Variants in ZNF675 observed in about 807,000 individuals in gnomAD.
The protein encoded by ZNF675 is TRAF6 inhibitory zinc finger.
ZNF675 carries 36 observed loss-of-function variants against 56.1 expected under a neutral mutation model. The observed-to-expected ratio is 0.64, with a 90% CI of 0.49 to 0.85. ZNF675 has a LOEUF of 0.85. ZNF675 is among the 40% of genes least tolerant of loss of function. The pLI is 0.00. For synonymous variants in ZNF675, 200 were observed against 218.9 expected (o/e 0.91, Z 0.76); for missense variants, 663 against 654.2 (o/e 1.01, Z -0.15).
At chr19:23,678,406 C>T (rs1282020301) in intron 1 of ZNF675, among the ~76,000 whole-genome samples, 1 of 150,938 alleles carries the variant, frequency 6.6e-6, no homozygotes, top group Non-Finnish European at 1.5e-5. Context: ...TATGCCACCA[C>T]ACCAGGCTAA....
At chr19:23,679,094 G>A (rs1012705633) in intron 1 of ZNF675, among the ~76,000 whole-genome samples, 5 of 149,830 alleles carry the variant, frequency 3.3e-5, no homozygotes, top group Admixed American at 1.3e-4. Context: ...ATGAACTCGG[G>A]AGGCGGAGCT....
chr19:23,683,200 A>G (rs1174023647), intron 1 of ZNF675, among the ~76,000 whole-genome samples: 3 of 151,502 alleles, frequency 2.0e-5, no homozygotes, highest in African/African-American at 4.9e-5. Flanking sequence ...AAAAAAAAAA[A>G]GAAAGTTATC....
At position 23,654,066 on chromosome 19, in the gene ZNF675, A is replaced by G. The variant is rs1471136286; in HGVS notation, c.867T>C (p.Cys289=). The G allele has an allele frequency of 5.6e-6, 9 of 1,613,794 alleles. No homozygotes were observed. The highest frequency in any genetic ancestry group is 7.6e-6 in the Non-Finnish European group (9 of 1,180,020). ...TGEKPYKCEE[C]GKAFNQFSNL... is the part of the protein sequence containing the mutation. ...TTGAGAACTGGTTAAAGGCTTTGCCACATTCTTCACATTTGTAGGGTTTCT... is the reference window on the plus strand; with the variant it reads ...TTGAGAACTGGTTAAAGGCTTTGCCGCATTCTTCACATTTGTAGGGTTTCT... The change falls in exon 4 of 4, where the codon TGT becomes TGC. Residue 289 remains cysteine, a synonymous_variant. Transcript: ENST00000359788.
At chr19:23,660,932 C>CT (rs56888844) in intron 3 of ZNF675, among the ~76,000 whole-genome samples, 47 of 119,796 alleles carry the variant, frequency 3.9e-4, no homozygotes, top group African/African-American at 1.3e-3. Flanking sequence ...TTGTAATTTT[C>CT]TTTTTTTTTT....
rs1467752412 is a variant in ZNF675 at position 23,653,381 on chromosome 19, T to C, written c.1552A>G (p.Ser518Gly). The C allele has an allele frequency of 1.2e-6, 2 of 1,613,420 alleles. No homozygotes were observed. Among genetic ancestry groups the C allele is most frequent in the African/African-American group, 2.7e-5 (2 of 75,030 alleles). Residue 518 changes from serine (S) to glycine (G), a missense_variant, in exon 4 of 4, where the codon AGC becomes GGC. Ser to Gly is a moderately conservative substitution (Grantham distance 56). Transcript: ENST00000359788. ...YKCEECGKAF[S>G]RSSKLTEHKI... ...TGTTCAGTAAGTTTTGAGGATCGGCTAAAAGCTTTGCCACATTCTTCACAT... is the reference window on the plus strand; with the variant it reads ...TGTTCAGTAAGTTTTGAGGATCGGCCAAAAGCTTTGCCACATTCTTCACAT...
At chr19:23,682,001 T>C (rs1008582680) in intron 1 of ZNF675, among the ~76,000 whole-genome samples, 1 of 94,318 alleles carries the variant, frequency 1.1e-5, no homozygotes, top group African/African-American at 4.0e-5. Flanking sequence ...AATACCCTCT[T>C]ATTATGACTT....
intron 1 of ZNF675, among the ~76,000 whole-genome samples, chr19:23,684,902 T>G (rs1189968949): frequency 6.6e-6 from 1 of 152,204 alleles, no homozygotes; most frequent in East Asian, 1.9e-4. Context: ...AGAAATTATC[T>G]CTGTGTTTTT....
intron 1 of ZNF675, among the ~76,000 whole-genome samples, chr19:23,667,863 A>G (rs1274161607): frequency 6.8e-6 from 1 of 147,814 alleles, no homozygotes; most frequent in East Asian, 2.0e-4. Context: ...CCTGAGCTAG[A>G]CACAGGGTGC....
chr19:23,675,887 T>A (rs1368126750), intron 1 of ZNF675, among the ~76,000 whole-genome samples: 2 of 141,980 alleles, frequency 1.4e-5, no homozygotes, highest in Non-Finnish European at 3.1e-5. Flanking sequence ...TGTAAAAAAC[T>A]ACAAAAAAGA....
intron 3 of ZNF675, among the ~76,000 whole-genome samples, chr19:23,658,866 G>GATCTATAT (rs1968030619): frequency 1.9e-4 from 1 of 5,132 alleles, no homozygotes; most frequent in African/African-American, 5.3e-4. Flanking sequence ...TATAGAAATA[G>GATCTATAT]ATCTATAGAT....
chr19:23,672,426 C>A (rs1204223513), intron 1 of ZNF675, among the ~76,000 whole-genome samples: 3 of 152,170 alleles, frequency 2.0e-5, no homozygotes, highest in African/African-American at 7.2e-5. Context: ...TAGAAAGTCA[C>A]TGCACAAGAT....
intron 3 of ZNF675, 28 bp from the exon 4 acceptor site, chr19:23,654,734 T>A (rs1222720190): frequency 6.7e-7 from 1 of 1,481,950 alleles, no homozygotes; most frequent in Non-Finnish European, 9.0e-7. Flanking sequence ...AACACATTAC[T>A]TTACAGACTC....
intron 3 of ZNF675, chr19:23,655,004 A>G (rs6511465): frequency 0.98 from 205,875 of 210,620 alleles, 100,822 homozygotes; most frequent in East Asian, 1. Flanking sequence ...AGGAGGCTGA[A>G]GCGGGCGGAT....
chr19:23,664,243 A>G (rs938590696), intron 1 of ZNF675, among the ~76,000 whole-genome samples: 1 of 152,146 alleles, frequency 6.6e-6, no homozygotes, highest in African/African-American at 2.4e-5. Flanking sequence ...TTCTTTTCAC[A>G]TGCGATTCTC....
At chr19:23,674,530 C>T (rs771576202) in intron 1 of ZNF675, among the ~76,000 whole-genome samples, 19 of 150,474 alleles carry the variant, frequency 1.3e-4, no homozygotes, top group Admixed American at 3.3e-4. Flanking sequence ...GTAATCCCAG[C>T]TACTCGGGAG....
intron 1 of ZNF675, among the ~76,000 whole-genome samples, chr19:23,672,625 G>A (rs1005979113): frequency 6.6e-6 from 1 of 152,188 alleles, no homozygotes; most frequent in Non-Finnish European, 1.5e-5. Flanking sequence ...ACCTGGCTCT[G>A]CATTCCTGTG....
Position 23,654,649 on chromosome 19 carries a change from A to G in ZNF675, c.284T>C (p.Phe95Ser), listed in dbSNP as rs773754689. The G allele has an allele frequency of 3.8e-6, 6 of 1,596,314 alleles. No individual in the cohort carries two copies. The highest frequency in any genetic ancestry group is 1.7e-4 in the Middle Eastern group (1 of 5,926). ...FWPEQNIKDS[F>S]EKVTLRRYEK... The stretch of plus-strand genomic sequence containing the variant: ...ATATCTTCTCAGTGTCACTTTTTCA[A>G]AAGAATCTTTTATGTTCTGCTCTGG... The change falls in exon 4 of 4, where the codon TTT (phenylalanine) becomes TCT (serine). Residue 95 changes from phenylalanine to serine, a missense_variant. Transcript: ENST00000359788.
Position 23,663,055 on chromosome 19 carries a change from T to C in ZNF675, c.107A>G (p.Asn36Ser). 1.2e-6 allele frequency: 2 copies of C among 1,603,040 alleles called. No homozygotes were observed. The highest frequency in any genetic ancestry group is 1.7e-6 in the Non-Finnish European group (2 of 1,176,294). Residue 36 changes from asparagine to serine, a missense_variant, in exon 2 of 4, where the codon AAC becomes AGC. Around this residue, in one of 3 missense-constraint regions of ZNF675, gnomAD observed 13 missense variants for 31.8 expected, o/e 0.41. Transcript: ENST00000359788. Reference protein sequence around the residue: ...RNLYKNVILENYRNLVFLGIA... With the variant: ...RNLYKNVILESYRNLVFLGIA... ...ACCCAGGAAGACCAGGTTTCTGTAG[T>C]TCTCTAAAATCACATTTTTATATAA... is the stretch of plus-strand genomic sequence containing the variant.
chr19:23,683,174 A>T (rs1968399039), intron 1 of ZNF675, among the ~76,000 whole-genome samples: 1 of 151,142 alleles, frequency 6.6e-6, no homozygotes. Context: ...TGGGTAACAG[A>T]GCGAGACTCA....
Sources: gnomAD v4.1 joint callset for allele counts (sites outside exome capture counted in the v4.1 genomes callset) on GRCh38, gnomAD v4.1.1 for gene constraint, gnomAD v4.1.1 regional missense constraint, MANE v1.5 for transcripts, NCBI Gene and HGNC (gene_info 2026-07-23, HGNC 2026-07-21) for gene names.